The following SEPTIN10 variants were observed in gnomAD, a reference collection of about 807,000 sequenced individuals.
SEPTIN10 encodes the protein septin 10.
Under a neutral mutation model 54.8 loss-of-function variants are expected in SEPTIN10, and 66 were observed. That is an observed-to-expected ratio of 1.21 (90% CI 0.99 to 1.48). The LOEUF (loss-of-function observed/expected upper bound fraction) is 1.48. Ranked by LOEUF, SEPTIN10 falls within the 40% of genes most tolerant of loss-of-function variation. SEPTIN10 has a pLI of 0.00. For synonymous variants in SEPTIN10, 161 were observed against 181.0 expected, an observed-to-expected ratio of 0.89 and a Z score of 0.89; for missense variants, 620 against 545.6, an observed-to-expected ratio of 1.14 and a Z score of -1.36.
intron 8 of SEPTIN10, among the ~76,000 whole-genome samples, chr2:109,560,324 C>CTT (rs1169491949): frequency 6.6e-6 from 1 of 152,172 alleles, no homozygotes; most frequent in East Asian, 1.9e-4. Context: ...TGGACCTCAA[C>CTT]TTTGACACAG....
intron 1 of SEPTIN10, among the ~76,000 whole-genome samples, chr2:109,595,457 C>T (rs1193526148): frequency 1.3e-5 from 2 of 152,174 alleles, no homozygotes; most frequent in Non-Finnish European, 2.9e-5. Context: ...TCCCAGTCAT[C>T]ATGTGGTACC....
At chr2:109,582,110 A>ACACACACACACT (rs1428735597) in intron 4 of SEPTIN10, among the ~76,000 whole-genome samples, 14 of 134,856 alleles carry the variant, frequency 1.0e-4, no homozygotes, top group Non-Finnish European at 2.0e-4. Context: ...ACACACACAC[A>ACACACACACACT]CACTCACTCT....
At chr2:109,574,940 T>C (rs1689329951) in intron 4 of SEPTIN10, among the ~76,000 whole-genome samples, 173 bp from the exon 5 acceptor site, 1 of 152,222 alleles carries the variant, frequency 6.6e-6, no homozygotes, top group African/African-American at 2.4e-5. Flanking sequence ...GCAAAAGCTA[T>C]ACAAATGCTT....
intron 1 of SEPTIN10, among the ~76,000 whole-genome samples, chr2:109,598,480 T>C (rs753806444): frequency 6.6e-6 from 1 of 152,202 alleles, no homozygotes; most frequent in African/African-American, 2.4e-5. Flanking sequence ...ATGAGGTCTT[T>C]TTTGGCATTC....
intron 1 of SEPTIN10, among the ~76,000 whole-genome samples, chr2:109,610,838 G>A (rs1699105982): frequency 6.6e-6 from 1 of 152,156 alleles, no homozygotes; most frequent in African/African-American, 2.4e-5. Flanking sequence ...TCGAATCCCA[G>A]CAAAATTATT....
intron 1 of SEPTIN10, among the ~76,000 whole-genome samples, chr2:109,611,019 C>A (rs1235466956): frequency 6.6e-6 from 1 of 152,158 alleles, no homozygotes. Flanking sequence ...CAGAAACAGA[C>A]TGAAACAGAC....
intron 8 of SEPTIN10, among the ~76,000 whole-genome samples, chr2:109,560,735 C>T (rs1451730900): frequency 1.3e-5 from 2 of 152,154 alleles, no homozygotes; most frequent in East Asian, 1.9e-4. Context: ...AAAGCTAGTC[C>T]TCCTTCAGCC....
chr2:109,578,282 TAAGAA>T (rs1319337004), intron 4 of SEPTIN10, among the ~76,000 whole-genome samples: 1 of 151,942 alleles, frequency 6.6e-6, no homozygotes, highest in African/African-American at 2.4e-5. Flanking sequence ...ATATGCTCAA[TAAGAA>T]ACATGTCTAA....
In SEPTIN10 at chr2:109,567,903, A is replaced by G. The variant is rs759404095; in HGVS notation, c.674T>C (p.Leu225Pro). ...KTELQKFKIK[L>P]MSELVSNGVQ... ...GCCATTGCTGACCAATTCACTCATG[A>G]GCTTGATCTTAAACTTCTGTAATTC... The change falls in exon 6 of 11, where the codon CTC becomes CCC. Residue 225 changes from leucine (L) to proline (P), a missense_variant. Transcript: ENST00000397712. The G allele has an allele frequency of 2.5e-5, 40 of 1,613,900 alleles. No individual in the cohort carries two copies. The highest frequency in any genetic ancestry group is 2.2e-5 in the East Asian group (1 of 44,892).
intron 1 of SEPTIN10, among the ~76,000 whole-genome samples, chr2:109,601,903 A>G (rs1161921178): frequency 2.6e-5 from 4 of 152,194 alleles, no homozygotes; most frequent in African/African-American, 9.6e-5. Flanking sequence ...CTACCGCAGC[A>G]TAAGAGGATT....
chr2:109,587,442 G>A (rs1272924477), intron 2 of SEPTIN10, among the ~76,000 whole-genome samples: 1 of 151,974 alleles, frequency 6.6e-6, no homozygotes, highest in Non-Finnish European at 1.5e-5. Context: ...AAAGAGAGAA[G>A]GTGAAAGTGG....
rs1250404291 is a variant in SEPTIN10, at chr2:109,593,064, T to C, written c.86A>G (p.Asp29Gly). The change falls in exon 2 of 11, where the codon GAT becomes GGT. Residue 29 changes from aspartate to glycine, a missense_variant. Coordinates refer to ENST00000397712, the MANE Select transcript of SEPTIN10 (RefSeq NM_144710.5). The stretch of plus-strand genomic sequence containing the variant: ...AGACATACTCACTATCTGTTCATCA[T>C]CTGATCCTTGTGAAGACATACAAGT... Reference protein sequence around the residue: ...KTTCMSSQGSDDEQIKRENIR... With the variant: ...KTTCMSSQGSGDEQIKRENIR... 6.3e-7 allele frequency: 1 copy of C among 1,598,218 alleles called. No individual in the cohort carries two copies. Among genetic ancestry groups the C allele is most frequent in the African/African-American group, 1.3e-5 (1 of 74,524 alleles).
Position 109,574,450 on chromosome 2 carries a change from A to T in SEPTIN10, c.600+131T>A. On this transcript the variant is annotated intron_variant, in intron 5 of 10. Coordinates refer to ENST00000397712, the MANE Select transcript of SEPTIN10 (RefSeq NM_144710.5). ...ACAGAGTGACTTTATCTCTAAAAAA[A>T]AAAAAAAAAAAAAAAATTTAAAAAA... 4 of 595,236 alleles carry T rather than the reference A, an allele frequency of 6.7e-6. No individual in the cohort carries two copies. The African/African-American group carries it at 7.8e-5, about 12-fold the overall frequency. 36.9% of individuals were successfully genotyped at this position (595,236 alleles called of 1,614,324 possible).
At chr2:109,558,726 A>G (rs150483230) in intron 8 of SEPTIN10, among the ~76,000 whole-genome samples, 5 of 152,304 alleles carry the variant, frequency 3.3e-5, no homozygotes, top group African/African-American at 1.2e-4. Context: ...CTGGCAACAA[A>G]GAGGGCCAGG....
intron 4 of SEPTIN10, among the ~76,000 whole-genome samples, chr2:109,582,563 C>T (rs1003026052): frequency 5.9e-5 from 9 of 152,140 alleles, no homozygotes; most frequent in Admixed American, 2.0e-4. Context: ...GCAAGCGATC[C>T]TCTCTCCTTG....
chr2:109,545,383 A>G, intron 10 of SEPTIN10: 2 of 1,522,066 alleles, frequency 1.3e-6, no homozygotes, highest in Non-Finnish European at 1.8e-6. Flanking sequence ...TTTAACACAT[A>G]CCCCAAACCT....
chr2:109,598,895 T>TA (rs915700236), intron 1 of SEPTIN10, among the ~76,000 whole-genome samples: 8 of 149,654 alleles, frequency 5.3e-5, no homozygotes, highest in Admixed American at 2.7e-4. Flanking sequence ...AAAATAAAAA[T>TA]AAAAAAAAAA....
intron 1 of SEPTIN10, among the ~76,000 whole-genome samples, chr2:109,604,161 CAAA>C (rs34166921): frequency 5.1e-5 from 3 of 58,664 alleles, no homozygotes; most frequent in Non-Finnish European, 9.7e-5. Flanking sequence ...GACTCTGCCT[CAAA>C]AAAAAAAAAA....
intron 1 of SEPTIN10, among the ~76,000 whole-genome samples, chr2:109,600,538 G>GAA (rs796837171): frequency 9.8e-5 from 13 of 132,322 alleles, no homozygotes; most frequent in South Asian, 2.5e-4. Context: ...GCAATGAGTT[G>GAA]AAAAAAAAAA....
Sources: allele counts gnomAD v4.1 joint callset (sites outside exome capture counted in the v4.1 genomes callset), GRCh38; gene constraint gnomAD v4.1.1; transcripts MANE v1.5; gene names NCBI Gene and HGNC (gene_info 2026-07-23, HGNC 2026-07-21).